The following ITGA9 variants were observed in gnomAD, a reference collection of about 807,000 sequenced individuals.
ITGA9 encodes integrin subunit alpha 9.
ITGA9 carries 56 observed loss-of-function variants against 127.8 expected under a neutral mutation model. That is an observed-to-expected ratio of 0.44 (90% CI 0.35 to 0.55). ITGA9 has a LOEUF of 0.55. ITGA9 is among the 20% of genes least tolerant of loss of function. ITGA9 has a pLI of 0.00. For synonymous variants in ITGA9, 508 were observed against 514.5 expected, an observed-to-expected ratio of 0.99 and a Z score of 0.17; for missense variants, 1,196 against 1,347.1, an observed-to-expected ratio of 0.89 and a Z score of 1.76.
chr3:37,782,759 A>G (rs1696991425), intron 25 of ITGA9, among the ~76,000 whole-genome samples: 2 of 152,196 alleles, frequency 1.3e-5, no homozygotes, highest in South Asian at 4.1e-4. Flanking sequence ...TTTTGACCTC[A>G]AGATCTGGCC....
chr3:37,769,823 A>G (rs562142061), intron 23 of ITGA9, among the ~76,000 whole-genome samples: 4 of 152,140 alleles, frequency 2.6e-5, no homozygotes, highest in African/African-American at 9.7e-5. Flanking sequence ...TGTAGACAAG[A>G]TTTATAATCT....
rs534177373 is a variant in ITGA9 at position 37,668,383 on chromosome 3, T to C, written c.1916+14593T>C. 3.3e-5 allele frequency among the ~76,000 whole-genome samples: 5 copies of C among 152,258 alleles called. No individual in the cohort carries two copies. In the East Asian group the frequency reaches 9.7e-4, roughly 29 times the overall value. Reference sequence around the variant, plus strand: ...CTTGGCTTCCAAACATAGCCATCCATTGGAGGTTTTATGTGGAAGCATCTT... The same window carrying C: ...CTTGGCTTCCAAACATAGCCATCCACTGGAGGTTTTATGTGGAAGCATCTT... On this transcript the variant is annotated intron_variant, in intron 17 of 27. Transcript: ENST00000264741.
At chr3:37,458,939 C>T (rs757817551) in intron 1 of ITGA9, among the ~76,000 whole-genome samples, 2 of 152,178 alleles carry the variant, frequency 1.3e-5, no homozygotes, top group Non-Finnish European at 2.9e-5. Flanking sequence ...TCCTTTTAGC[C>T]AAGTGGATTT....
chr3:37,575,481 A>T (rs1699645173), intron 15 of ITGA9, among the ~76,000 whole-genome samples: 2 of 152,200 alleles, frequency 1.3e-5, no homozygotes, highest in Non-Finnish European at 2.9e-5. Flanking sequence ...CCCAGGCACC[A>T]TTCTAACCTC....
intron 8 of ITGA9, among the ~76,000 whole-genome samples, chr3:37,509,508 G>A (rs926427374): frequency 9.2e-5 from 14 of 152,066 alleles, no homozygotes; most frequent in African/African-American, 1.9e-4. Flanking sequence ...GAGGCCATGT[G>A]CCTCCTCAAT....
Position 37,621,111 on chromosome 3 carries a change from AG to A in ITGA9, c.1690-8075del, listed in dbSNP as rs1430113604. Reference sequence around the variant, plus strand: ...ATTTTCCCCATACTGTTCTTATGGTAGTGAATAAGTCTCATGAGGTCTGATG... The same window carrying A: ...ATTTTCCCCATACTGTTCTTATGGTATGAATAAGTCTCATGAGGTCTGATG... On this transcript the variant is annotated intron_variant, in intron 15 of 27. Coordinates refer to ENST00000264741, the MANE Select transcript of ITGA9 (RefSeq NM_002207.3). 3.0e-3 allele frequency among the ~76,000 whole-genome samples: 459 copies of A among 152,330 alleles called. 1 individual carries two copies. Among genetic ancestry groups the A allele is most frequent in the African/African-American group, 0.011 (438 of 41,570 alleles).
At chr3:37,731,423 T>C (rs1696291451) in intron 18 of ITGA9, among the ~76,000 whole-genome samples, 1 of 152,184 alleles carries the variant, frequency 6.6e-6, no homozygotes. Flanking sequence ...AGAGAGATGT[T>C]AGAAAACTAA....
In ITGA9 at chr3:37,654,672, T is replaced by G. The variant is rs55915729; in HGVS notation, c.1916+882T>G. On this transcript the variant is annotated intron_variant, in intron 17 of 27. Coordinates refer to ENST00000264741, the MANE Select transcript of ITGA9 (RefSeq NM_002207.3). The stretch of plus-strand genomic sequence containing the variant: ...ATGAAATGACATGAATATACTATTA[T>G]GAACCAGTGCCTACACTAGGACATT... 3.2e-3 allele frequency among the ~76,000 whole-genome samples: 492 copies of G among 152,332 alleles called. 2 individuals carry two copies. The highest frequency in any genetic ancestry group is 0.012 in the African/African-American group (479 of 41,582).
At chr3:37,516,579 G>A (rs1364470740) in intron 9 of ITGA9, among the ~76,000 whole-genome samples, 1 of 152,170 alleles carries the variant, frequency 6.6e-6, no homozygotes, top group Non-Finnish European at 1.5e-5. Context: ...ATGCATATTT[G>A]TGTTTTGGGG....
At chr3:37,493,118 T>C (rs1170282858) in intron 4 of ITGA9, among the ~76,000 whole-genome samples, 2 of 152,182 alleles carry the variant, frequency 1.3e-5, no homozygotes, top group African/African-American at 4.8e-5. Flanking sequence ...GTAACTCAAT[T>C]GACATTCTTT....
chr3:37,635,798 C>T (rs1356149526), intron 16 of ITGA9, among the ~76,000 whole-genome samples: 10 of 132,514 alleles, frequency 7.5e-5, no homozygotes, highest in Middle Eastern at 4.0e-3. Context: ...ACCCCACAAC[C>T]GTCCCCGGTG....
chr3:37,559,335 T>G (rs1699463330), intron 15 of ITGA9, among the ~76,000 whole-genome samples: 1 of 152,082 alleles, frequency 6.6e-6, no homozygotes, highest in African/African-American at 2.4e-5. Flanking sequence ...TAATAAGGGA[T>G]TGCTTTCTGG....
intron 15 of ITGA9, among the ~76,000 whole-genome samples, chr3:37,624,773 A>G (rs1700161334): frequency 2.0e-5 from 3 of 151,682 alleles, no homozygotes; most frequent in African/African-American, 7.3e-5. Flanking sequence ...CGCCCGGCTA[A>G]TTTTTGTATT....
intron 15 of ITGA9, chr3:37,573,090 T>C (rs1480838186): frequency 1.3e-5 from 2 of 152,210 alleles, no homozygotes; most frequent in African/African-American, 4.8e-5. Flanking sequence ...GAGAAGAACC[T>C]GGCCCAGGCT....
chr3:37,719,552 C>T (rs1209580935), intron 18 of ITGA9, among the ~76,000 whole-genome samples: 1 of 152,132 alleles, frequency 6.6e-6, no homozygotes, highest in East Asian at 1.9e-4. Context: ...CCTCCATGTC[C>T]CCTCCACCCA....
intron 4 of ITGA9, among the ~76,000 whole-genome samples, chr3:37,483,267 G>T (rs1355192774): frequency 6.6e-6 from 1 of 152,128 alleles, no homozygotes; most frequent in Non-Finnish European, 1.5e-5. Context: ...GAGGGAGGTG[G>T]AGTTCAATGT....
At chr3:37,675,426 C>T (rs1700671812) in intron 17 of ITGA9, among the ~76,000 whole-genome samples, 1 of 152,138 alleles carries the variant, frequency 6.6e-6, no homozygotes, top group Admixed American at 6.5e-5. Context: ...TTTATGGAAC[C>T]ACCTCTGGAA....
intron 23 of ITGA9, among the ~76,000 whole-genome samples, chr3:37,763,974 C>T (rs1461788374): frequency 2.0e-5 from 3 of 152,052 alleles, no homozygotes; most frequent in Non-Finnish European, 4.4e-5. Context: ...ATGATCCAAC[C>T]CTCTACCTTT....
intron 18 of ITGA9, among the ~76,000 whole-genome samples, chr3:37,722,009 G>T (rs1202748274): frequency 6.6e-6 from 1 of 152,156 alleles, no homozygotes; most frequent in Non-Finnish European, 1.5e-5. Flanking sequence ...TTGGAACCAA[G>T]TCCAAACTCC....
Sources: allele counts gnomAD v4.1 joint callset (sites outside exome capture counted in the v4.1 genomes callset), GRCh38; gene constraint gnomAD v4.1.1; transcripts MANE v1.5; gene names NCBI Gene and HGNC (gene_info 2026-07-23, HGNC 2026-07-21).